Variants in MROH2A observed in about 807,000 individuals in gnomAD.
The protein encoded by MROH2A is maestro heat-like repeat-containing protein family member 2A.
In MROH2A, 174 loss-of-function variants were observed where a neutral mutation model predicts 200.4. The observed-to-expected ratio is 0.87, with a 90% CI of 0.77 to 0.98. MROH2A has a LOEUF of 0.98. Among genes scored for constraint, MROH2A ranks in the 50% least tolerant of loss-of-function variants. The pLI is 0.00. For synonymous variants in MROH2A, 829 were observed against 840.4 expected (o/e 0.99, Z 0.23); for missense variants, 2,045 against 2,139.6 (o/e 0.96, Z 0.87).
intron 35 of MROH2A, among the ~76,000 whole-genome samples, chr2:233,827,329 C>T (rs7560036): frequency 6.6e-6 from 1 of 152,154 alleles, no homozygotes; most frequent in African/African-American, 2.4e-5. Flanking sequence ...CCCAAATGCC[C>T]ATCAATGATA....
intron 23 of MROH2A, 45 bp downstream of exon 23, chr2:233,810,961 G>T: frequency 6.5e-7 from 1 of 1,544,166 alleles, no homozygotes; most frequent in South Asian, 1.2e-5. Flanking sequence ...CTGGTTTTGG[G>T]GTCTAACTCC....
intron 25 of MROH2A, among the ~76,000 whole-genome samples, chr2:233,814,225 C>T (rs1392891247): frequency 6.6e-6 from 1 of 152,186 alleles, no homozygotes; most frequent in Non-Finnish European, 1.5e-5. Flanking sequence ...CACATGGCTC[C>T]ACCCATGCAA....
chr2:233,819,668 G>A (rs1357297826), intron 30 of MROH2A, among the ~76,000 whole-genome samples, 199 bp downstream of exon 30: 11 of 152,206 alleles, frequency 7.2e-5, no homozygotes, highest in East Asian at 5.8e-4. Flanking sequence ...TTAAGTGCAC[G>A]CTGACCTGGA....
At chr2:233,776,788 A>G (rs891795331), upstream of MROH2A, among the ~76,000 whole-genome samples, 1 of 152,258 alleles carries the variant, frequency 6.6e-6, no homozygotes, top group Admixed American at 6.5e-5. Context: ...CATGAAAAGG[A>G]GGAATCTATT....
intron 5 of MROH2A, 45 bp from the exon 6 acceptor site, chr2:233,792,751 A>AC (rs1224604609): frequency 7.9e-7 from 1 of 1,267,380 alleles, no homozygotes; most frequent in Non-Finnish European, 1.1e-6. Context: ...CTCTCTGCTC[A>AC]CCCCCAGCCC....
At chr2:233,787,523 T>G (rs1238750171) in intron 3 of MROH2A, among the ~76,000 whole-genome samples, 1 of 122,326 alleles carries the variant, frequency 8.2e-6, no homozygotes, top group South Asian at 2.2e-4. Flanking sequence ...TATACATATA[T>G]ATTACATATA....
rs1473064235 is a variant in MROH2A, at chr2:233,829,790, G to C, written c.4602+15G>C. 6 of 1,314,348 alleles carry C rather than the reference G, an allele frequency of 4.6e-6. No homozygotes were observed. The highest frequency in any genetic ancestry group is 3.1e-5 in the African/African-American group (2 of 65,000). The allele number at this position is 1,314,348 out of a possible 1,614,324, so 81.4% of individuals were successfully genotyped here. On this transcript the variant is annotated intron_variant, in intron 38 of 41. Coordinates refer to ENST00000389758, the MANE Select transcript of MROH2A (RefSeq NM_001394639.1). ...ATGCAGCCCAAGTAAGATACATCCT[G>C]GGCTTTGTGTCCCAGTCTGGGGCCC...
rs1338914167 is a variant in MROH2A at position 233,804,473 on chromosome 2, G to A, written c.1892-22G>A. ...AGCAGTGGAAGAAAGTGGCATGTGT[G>A]ACCATACATGTGTTCCTGCAGAACA... On this transcript the variant is annotated intron_variant, in intron 17 of 41. Transcript: ENST00000389758. 8 of 1,551,016 alleles carry A rather than the reference G, an allele frequency of 5.2e-6. No homozygotes were observed. The East Asian group carries it at 2.0e-4, about 38-fold the overall frequency.
intron 39 of MROH2A, 120 bp from the exon 40 acceptor site, chr2:233,832,057 C>T (rs538549998): frequency 3.7e-4 from 277 of 756,316 alleles, no homozygotes; most frequent in South Asian, 1.6e-3. Flanking sequence ...TGCTGTGTGA[C>T]GCTGGGATGG....
chr2:233,829,698 T>C lies in MROH2A; in HGVS notation c.4525T>C (p.Phe1509Leu), dbSNP rs912860222. 6.7e-7 allele frequency: 1 copy of C among 1,496,768 alleles called. No homozygotes were observed. Among genetic ancestry groups the C allele is most frequent in the African/African-American group, 1.4e-5 (1 of 70,198 alleles). The allele number at this position is 1,496,768 out of a possible 1,614,324, so 92.7% of individuals were successfully genotyped here. The change falls in exon 38 of 42, where the codon TTC becomes CTC. Residue 1509 changes from phenylalanine (F) to leucine (L), a missense_variant. Phe to Leu is a conservative substitution (Grantham distance 22). This residue lies in a region of MROH2A where 1,201 missense variants were observed against 1,311.3 expected (regional missense o/e 0.92). Coordinates refer to ENST00000389758, the MANE Select transcript of MROH2A (RefSeq NM_001394639.1). ...GGTGGTCGGGATGTCCAAGAAGCAT[T>C]TCTTCAAAGGGGAGGTGAAGAAGGC... ...ARVVGMSKKH[F>L]FKGEVKKAWI...
At chr2:233,818,581 G>A (rs1404798194) in intron 28 of MROH2A, 71 bp from the exon 29 acceptor site, 7 of 942,576 alleles carry the variant, frequency 7.4e-6, no homozygotes, top group Non-Finnish European at 1.0e-5. Flanking sequence ...CAGGGCAGGA[G>A]GTAGCCACGA....
chr2:233,823,940 CA>C (rs1704134229), intron 35 of MROH2A, among the ~76,000 whole-genome samples: 1 of 152,140 alleles, frequency 6.6e-6, no homozygotes. Context: ...CCAGGGAGGG[CA>C]CCTGGGTTCT....
Position 233,807,630 on chromosome 2 carries a change from G to C in MROH2A, c.2172+88G>C. ...GTTCATGTGGCTGCATGCGTTTTGT[G>C]TGTGTGTGTGTACATGTGTGTGTGC... On this transcript the variant is annotated intron_variant, in intron 20 of 41. Coordinates refer to ENST00000389758, the MANE Select transcript of MROH2A (RefSeq NM_001394639.1). The surrounding 1 kb of genome is among the most constrained non-coding windows in gnomAD (Gnocchi z 4.3). 6.5e-7 allele frequency: 1 copy of C among 1,541,110 alleles called. No homozygotes were observed. The highest frequency in any genetic ancestry group is 1.2e-5 in the South Asian group (1 of 83,316).
chr2:233,829,773 C>G lies in MROH2A; in HGVS notation c.4600C>G (p.Gln1534Glu). Reference sequence around the variant, plus strand: ...CCAGGACCCCTGCTCCAATGCAGCCCAAGTAAGATACATCCTGGGCTTTGT... The same window carrying G: ...CCAGGACCCCTGCTCCAATGCAGCCGAAGTAAGATACATCCTGGGCTTTGT... ...HSQDPCSNAA[Q>E]ACMATMFQCV... The change falls in exon 38 of 42, where the codon CAA becomes GAA. Residue 1534 changes from glutamine (Q) to glutamate (E), a missense_variant and splice_region_variant. Transcript: ENST00000389758. 7.3e-7 allele frequency: 1 copy of G among 1,365,230 alleles called. No homozygotes were observed. Among genetic ancestry groups the G allele is most frequent in the Middle Eastern group, 1.9e-4 (1 of 5,240 alleles). The allele number at this position is 1,365,230 out of a possible 1,614,324, so 84.6% of individuals were successfully genotyped here. A position where few individuals can be genotyped will look rare whatever the true frequency, so the allele number is the denominator to read the frequency against.
intron 4 of MROH2A, 62 bp downstream of exon 4, chr2:233,789,690 G>A (rs1701600801): frequency 7.0e-7 from 1 of 1,437,636 alleles, no homozygotes; most frequent in Admixed American, 2.8e-5. Context: ...GCCACGGGGG[G>A]CCTGGCCCAG....
At chr2:233,827,255 CAAAGATAT>C (rs1336752719) in intron 35 of MROH2A, among the ~76,000 whole-genome samples, 9 of 152,100 alleles carry the variant, frequency 5.9e-5, no homozygotes, top group African/African-American at 2.2e-4. Flanking sequence ...CATTCTATTA[CAAAGATAT>C]ATGCATGTGT....
At chr2:233,787,698 AT>A (rs1232785702) in intron 3 of MROH2A, among the ~76,000 whole-genome samples, 4 of 68,112 alleles carry the variant, frequency 5.9e-5, no homozygotes, top group Non-Finnish European at 7.2e-5. Flanking sequence ...TATTATATAT[AT>A]CATATAAACA....
At chr2:233,801,972 A>G (rs1432262014) in intron 14 of MROH2A, among the ~76,000 whole-genome samples, 196 bp from the exon 15 acceptor site, 1 of 152,172 alleles carries the variant, frequency 6.6e-6, no homozygotes, top group Non-Finnish European at 1.5e-5. Flanking sequence ...CTCTTGCCAC[A>G]TCAGGGTGGG....
At chr2:233,811,842 G>A in intron 23 of MROH2A, 38 bp from the exon 24 acceptor site, 1 of 1,438,812 alleles carries the variant, frequency 7.0e-7, no homozygotes, top group Non-Finnish European at 9.6e-7. Flanking sequence ...CGCCATCATG[G>A]TCACCAAAAG....
Sources: allele counts gnomAD v4.1 joint callset (sites outside exome capture counted in the v4.1 genomes callset), GRCh38; gene constraint gnomAD v4.1.1; regional missense constraint gnomAD v4.1.1; non-coding constraint Gnocchi (gnomAD v3.1); transcripts MANE v1.5; gene names NCBI Gene and HGNC (gene_info 2026-07-23, HGNC 2026-07-21).